The following C1QTNF2 variants were observed in gnomAD, a reference collection of about 807,000 sequenced individuals.
The protein encoded by C1QTNF2 is complement C1q tumor necrosis factor-related protein 2.
C1QTNF2 carries 15 observed loss-of-function variants against 17.4 expected under a neutral mutation model. That is an observed-to-expected ratio of 0.86 (90% CI 0.58 to 1.33). The LOEUF (loss-of-function observed/expected upper bound fraction) is 1.33, where lower values mean the gene tolerates loss of function less well. Ranked by LOEUF, C1QTNF2 falls within the 40% of genes most tolerant of loss-of-function variation. The pLI, the probability that C1QTNF2 is intolerant of heterozygous loss-of-function variation, is 0.00. For synonymous variants in C1QTNF2, 154 were observed against 163.3 expected (o/e 0.94, Z 0.44); for missense variants, 381 against 392.3 (o/e 0.97, Z 0.24).
intron 1 of C1QTNF2, among the ~76,000 whole-genome samples, chr5:160,362,045 C>T (rs752880277): frequency 5.3e-5 from 8 of 152,188 alleles, no homozygotes; most frequent in Non-Finnish European, 8.8e-5. Context: ...GTGCTCAACA[C>T]GCAGCTGTTG....
chr5:160,349,194 C>T lies in C1QTNF2; in HGVS notation c.832G>A (p.Asp278Asn), dbSNP rs199630376. 50 of 1,613,536 alleles carry T rather than the reference C, an allele frequency of 3.1e-5. 1 individual carries two copies. Among genetic ancestry groups the T allele is most frequent in the African/African-American group, 1.3e-4 (10 of 74,994 alleles). The change falls in exon 3 of 3, where the codon GAC becomes AAC. Residue 278 changes from aspartate (D) to asparagine (N), a missense_variant. Physicochemically the swap from Asp to Asn is conservative, Grantham distance 23. Transcript: ENST00000652664. This position sits in a 1 kb window ranked among gnomAD's most constrained non-coding sequence, Gnocchi z 4.3. ...TATACCTCGTTGGGGTCATCCTGGT[C>T]GGCATAGATTAGGAAGCCCGTAAAG... ...SLFTGFLIYADQDDPNEV is the reference protein window; with the variant it reads ...SLFTGFLIYANQDDPNEV
chr5:160,362,616 G>A (rs1194701515), intron 1 of C1QTNF2, among the ~76,000 whole-genome samples: 1 of 152,118 alleles, frequency 6.6e-6, no homozygotes, highest in Non-Finnish European at 1.5e-5. Flanking sequence ...TCCCACTGGC[G>A]TTTGAGGACC....
rs1203850372 is a variant in C1QTNF2 at position 160,349,600 on chromosome 5, G to T, written c.426C>A (p.Ser142Arg). ...KGEPGLPGPC[S>R]CGSGHTKSAF... Reference sequence around the variant, plus strand: ...CTGACTTGGTATGGCCACTGCCACAGCTGCAGGGGCCTGGGAGGCCTGGCT... The same window carrying T: ...CTGACTTGGTATGGCCACTGCCACATCTGCAGGGGCCTGGGAGGCCTGGCT... Residue 142 changes from serine (S) to arginine (R), a missense_variant, in exon 3 of 3, where the codon AGC (serine) becomes AGA (arginine). Physicochemically the swap from Ser to Arg is moderately radical, Grantham distance 110 (BLOSUM62 -1). Coordinates refer to ENST00000652664, the MANE Select transcript of C1QTNF2 (RefSeq NM_031908.6). The surrounding 1 kb of genome is among the most constrained non-coding windows in gnomAD (Gnocchi z 4.3). 3.7e-6 allele frequency: 6 copies of T among 1,613,570 alleles called. No individual in the cohort carries two copies. The highest frequency in any genetic ancestry group is 5.1e-6 in the Non-Finnish European group (6 of 1,179,944).
In C1QTNF2 at chr5:160,349,080, C is replaced by G; in HGVS notation, c.*88G>C. The G allele has an allele frequency of 6.7e-7, 1 of 1,499,646 alleles. No individual in the cohort carries two copies. Among genetic ancestry groups the G allele is most frequent in the African/African-American group, 1.4e-5 (1 of 71,562 alleles). 92.9% of individuals were successfully genotyped at this position (1,499,646 alleles called of 1,614,324 possible). On this transcript the variant is annotated 3_prime_UTR_variant, in exon 3 of 3. Transcript: ENST00000652664. The surrounding 1 kb of genome is among the most constrained non-coding windows in gnomAD (Gnocchi z 4.3). ...GAGGCTAGAACCGCTCACTCGACCCCCCACCCCCAGCCTACAGTTGTGGGG... is the reference window on the plus strand; with the variant it reads ...GAGGCTAGAACCGCTCACTCGACCCGCCACCCCCAGCCTACAGTTGTGGGG...
rs373033582 is a variant in C1QTNF2, at chr5:160,354,721, T to C, written c.244+47A>G. The C allele has an allele frequency of 2.4e-5, 38 of 1,609,726 alleles. No individual in the cohort carries two copies. The African/African-American group carries it at 5.0e-4, about 21-fold the overall frequency. On this transcript the variant is annotated intron_variant, in intron 2 of 2. Transcript: ENST00000652664. ...TTCATGATGCCCCCCACATGCCGGA[T>C]GCTGTCAGCCAGGTGGGAACGAGAG...
intron 1 of C1QTNF2, among the ~76,000 whole-genome samples, chr5:160,356,485 T>A (rs1384812836): frequency 1.3e-5 from 2 of 152,212 alleles, no homozygotes; most frequent in Non-Finnish European, 2.9e-5. Flanking sequence ...TCTAATAAGT[T>A]TCCAAGGGAT....
At position 160,354,596 on chromosome 5, in the gene C1QTNF2, AAGTATAT is replaced by A. The variant is rs1239385395; in HGVS notation, c.244+165_244+171del. ...TCTGTCTCAAGGGGAAAAAAAAAAAAAGTATATATATATATATATATATATATATATA... is the reference window on the plus strand; with the variant it reads ...TCTGTCTCAAGGGGAAAAAAAAAAAAATATATATATATATATATATATATA... On this transcript the variant is annotated intron_variant, in intron 2 of 2. Coordinates refer to ENST00000652664, the MANE Select transcript of C1QTNF2 (RefSeq NM_031908.6). Among the ~76,000 whole-genome samples, 437 of 49,878 alleles carry A rather than the reference AAGTATAT, an allele frequency of 8.8e-3. 8 individuals are homozygous for A. Among genetic ancestry groups the A allele is most frequent in the South Asian group, 0.022 (37 of 1,666 alleles). 32.7% of individuals were successfully genotyped at this position (49,878 alleles called of 152,430 possible). A position where few individuals can be genotyped will look rare whatever the true frequency, so the allele number is the denominator to read the frequency against.
At chr5:160,364,842 G>A (rs1764217995) in intron 1 of C1QTNF2, among the ~76,000 whole-genome samples, 1 of 152,216 alleles carries the variant, frequency 6.6e-6, no homozygotes. Context: ...ACAAAGACCA[G>A]GGAAGAAGCG....
chr5:160,358,018 C>T (rs569941575), intron 1 of C1QTNF2, among the ~76,000 whole-genome samples: 1 of 152,372 alleles, frequency 6.6e-6, no homozygotes, highest in Admixed American at 6.5e-5. Flanking sequence ...CTCTCTTGCC[C>T]ACAATGGCCT....
At chr5:160,355,072 T>C (rs575285102) in intron 1 of C1QTNF2, 52 bp from the exon 2 acceptor site, 2 of 1,481,836 alleles carry the variant, frequency 1.3e-6, no homozygotes, top group East Asian at 2.3e-5. Flanking sequence ...CAAGCTGACC[T>C]GGGGCTGGTC....
chr5:160,351,290 A>G (rs1224124626), intron 2 of C1QTNF2, among the ~76,000 whole-genome samples: 1 of 152,258 alleles, frequency 6.6e-6, no homozygotes, highest in Non-Finnish European at 1.5e-5. Flanking sequence ...TCAACTCAAT[A>G]CAACATTTTA....
At chr5:160,355,246 G>A (rs1303239211) in intron 1 of C1QTNF2, 2 of 985,130 alleles carry the variant, frequency 2.0e-6, no homozygotes, top group South Asian at 4.7e-5. Flanking sequence ...ACTTCGAAGG[G>A]GTCTCGGGGG....
At chr5:160,354,599 T>A (rs998021529) in intron 2 of C1QTNF2, among the ~76,000 whole-genome samples, 169 bp downstream of exon 2, 214 of 3,564 alleles carry the variant, frequency 0.06, 8 homozygotes, top group Middle Eastern at 0.25. Context: ...AAAAAAAAAG[T>A]ATATATATAT....
intron 1 of C1QTNF2, among the ~76,000 whole-genome samples, chr5:160,358,972 G>A (rs774405752): frequency 2.0e-5 from 3 of 152,000 alleles, no homozygotes; most frequent in African/African-American, 7.3e-5. Context: ...GTAGAGATGG[G>A]GTCTTGCCAT....
chr5:160,354,441 T>C (rs1763987532), intron 2 of C1QTNF2, among the ~76,000 whole-genome samples: 1 of 151,484 alleles, frequency 6.6e-6, no homozygotes, highest in African/African-American at 2.4e-5. Context: ...TAGCCAGGAA[T>C]GGTGGCATGC....
At chr5:160,360,041 C>T (rs1342964015) in intron 1 of C1QTNF2, among the ~76,000 whole-genome samples, 1 of 152,108 alleles carries the variant, frequency 6.6e-6, no homozygotes, top group Non-Finnish European at 1.5e-5. Context: ...TCTTGGTTTG[C>T]TGGCTCTTTA....
At chr5:160,367,021 CAAA>C (rs71285021) in intron 1 of C1QTNF2, among the ~76,000 whole-genome samples, 4 of 87,356 alleles carry the variant, frequency 4.6e-5, no homozygotes, top group Non-Finnish European at 4.8e-5. Flanking sequence ...AAGACATTGT[CAAA>C]AAAAAAAAAA....
Position 160,354,627 on chromosome 5 carries a change from T to TAG in C1QTNF2, c.244+140_244+141insCT, listed in dbSNP as rs1404261090. On this transcript the variant is annotated intron_variant, in intron 2 of 2. Coordinates refer to ENST00000652664, the MANE Select transcript of C1QTNF2 (RefSeq NM_031908.6). ...ATATATATATATATATATATATATA[T>TAG]ATATATAGATTTATAAGTAAATAGT... The TAG allele has an allele frequency of 3.2e-4, 66 of 208,818 alleles. 2 individuals carry two copies. The highest frequency in any genetic ancestry group is 1.5e-3 in the African/African-American group (48 of 33,054). The allele number at this position is 208,818 out of a possible 1,614,324, so 12.9% of individuals were successfully genotyped here.
At chr5:160,363,932 C>T (rs556543530) in intron 1 of C1QTNF2, among the ~76,000 whole-genome samples, 5 of 152,324 alleles carry the variant, frequency 3.3e-5, no homozygotes, top group South Asian at 2.1e-4. Flanking sequence ...CCAGTCTCCA[C>T]GTGCCTGACC....
Sources: gnomAD v4.1 joint callset for allele counts (sites outside exome capture counted in the v4.1 genomes callset) on GRCh38, gnomAD v4.1.1 for gene constraint, Gnocchi (gnomAD v3.1) non-coding constraint, MANE v1.5 for transcripts, NCBI Gene and HGNC (gene_info 2026-07-23, HGNC 2026-07-21) for gene names.